The following SCHIP1 variants were observed in gnomAD, a reference collection of about 807,000 sequenced individuals.
SCHIP1 encodes the protein schwannomin-interacting protein 1.
SCHIP1 carries 8 observed loss-of-function variants against 29.7 expected under a neutral mutation model. The ratio of observed to expected loss-of-function variants is 0.27; its 90% CI spans 0.16 to 0.49. The LOEUF (loss-of-function observed/expected upper bound fraction) is 0.49. Among genes scored for constraint, SCHIP1 ranks in the 20% least tolerant of loss-of-function variants. The pLI, the probability that SCHIP1 is intolerant of heterozygous loss-of-function variation, is 0.99. For synonymous variants in SCHIP1, 76 were observed against 94.9 expected (o/e 0.80, Z 1.16); for missense variants, 193 against 294.6 (o/e 0.66, Z 2.52).
At chr3:159,764,685 A>AGAG in the SCHIP1 span, 4 of 1,584,668 alleles carry the variant, frequency 2.5e-6, no homozygotes, top group East Asian at 2.3e-5. This position sits in a 1 kb window ranked among gnomAD's most constrained non-coding sequence, Gnocchi z 6.1. Context: ...AGGAGGAGGA[A>AGAG]GAGGAGGACG....
At chr3:159,818,021 GC>G in the SCHIP1 span, among the ~76,000 whole-genome samples, 7 of 152,150 alleles carry the variant, frequency 4.6e-5, no homozygotes, top group African/African-American at 1.7e-4. Context: ...GTAGACTGAA[GC>G]CTAGAGGTAG....
chr3:159,413,676 G>A, the SCHIP1 span, among the ~76,000 whole-genome samples: 2 of 151,998 alleles, frequency 1.3e-5, no homozygotes, highest in Non-Finnish European at 2.9e-5. Flanking sequence ...CCCCTCTTTA[G>A]CCCTCAGTTC....
chr3:159,392,025 T>A, the SCHIP1 span, among the ~76,000 whole-genome samples: 1 of 152,196 alleles, frequency 6.6e-6, no homozygotes, highest in South Asian at 2.1e-4. Context: ...TCTTTTGGCT[T>A]TTTTTCCTTC....
At chr3:159,529,636 G>A in the SCHIP1 span, among the ~76,000 whole-genome samples, 1,495 of 152,148 alleles carry the variant, frequency 9.8e-3, 29 homozygotes, top group African/African-American at 0.034. Flanking sequence ...TTCTCTTCTA[G>A]CTATTTTGAA....
chr3:159,499,348 C>T, the SCHIP1 span, among the ~76,000 whole-genome samples: 1 of 152,216 alleles, frequency 6.6e-6, no homozygotes, highest in South Asian at 2.1e-4. Flanking sequence ...GCCATTTCTA[C>T]TGCCTTTAAT....
chr3:159,618,669 T>G, the SCHIP1 span, among the ~76,000 whole-genome samples: 1 of 152,248 alleles, frequency 6.6e-6, no homozygotes, highest in Admixed American at 6.5e-5. Flanking sequence ...ACTTAGACTG[T>G]CAGTGCACAG....
At chr3:159,361,961 T>C in the SCHIP1 span, among the ~76,000 whole-genome samples, 1 of 152,226 alleles carries the variant, frequency 6.6e-6, no homozygotes, top group African/African-American at 2.4e-5. Context: ...ATGTGACATT[T>C]GGGTTATATC....
chr3:159,765,010 A>G, the SCHIP1 span: 1 of 1,533,540 alleles, frequency 6.5e-7, no homozygotes, highest in African/African-American at 1.4e-5. Context: ...AGACGGCGGG[A>G]CGTGCGTCCC....
chr3:159,572,856 A>G, the SCHIP1 span, among the ~76,000 whole-genome samples: 1 of 150,918 alleles, frequency 6.6e-6, no homozygotes, highest in African/African-American at 2.4e-5. Flanking sequence ...TCCCTTTACC[A>G]TTATGTAATG....
the SCHIP1 span, among the ~76,000 whole-genome samples, chr3:159,626,171 TCTATCTATCTAGATAG>T: frequency 1.5e-4 from 8 of 52,164 alleles, no homozygotes; most frequent in African/African-American, 9.8e-4. Flanking sequence ...TCTAGATATA[TCTATCTATCTAGATAG>T]ATAGATAGAT....
chr3:159,551,531 C>G, the SCHIP1 span, among the ~76,000 whole-genome samples: 1 of 151,980 alleles, frequency 6.6e-6, no homozygotes, highest in Non-Finnish European at 1.5e-5. Context: ...GAATCAATAT[C>G]TATAAAATTG....
the SCHIP1 span, among the ~76,000 whole-genome samples, chr3:159,800,641 C>T: frequency 1.3e-5 from 2 of 152,098 alleles, no homozygotes; most frequent in African/African-American, 4.8e-5. Flanking sequence ...CGTGAAGGTC[C>T]TAGTGACATA....
At chr3:159,432,190 T>C in the SCHIP1 span, among the ~76,000 whole-genome samples, 39 of 152,066 alleles carry the variant, frequency 2.6e-4, no homozygotes, top group African/African-American at 9.2e-4. Context: ...TACTGCTGGT[T>C]GTTGGCGGGA....
Position 159,887,699 on chromosome 3 carries a change from C to T in SCHIP1, c.268-9C>T. ...TGGAAGGCTCAGGCTGCTCTTTTTC[C>T]CTTTGCAGAGCAAACAGAGTTCTTC... On this transcript the variant is annotated splice_polypyrimidine_tract_variant and intron_variant, in intron 3 of 6. Transcript: ENST00000445224. 1.2e-6 allele frequency: 2 copies of T among 1,613,804 alleles called. No individual in the cohort carries two copies. The highest frequency in any genetic ancestry group is 8.5e-7 in the Non-Finnish European group (1 of 1,179,782).
chr3:159,278,251 C>T, the SCHIP1 span, among the ~76,000 whole-genome samples: 1 of 152,094 alleles, frequency 6.6e-6, no homozygotes, highest in East Asian at 1.9e-4. Context: ...TGAGAAACCA[C>T]CCACTTGAAA....
chr3:159,604,660 A>G, the SCHIP1 span, among the ~76,000 whole-genome samples: 1 of 152,154 alleles, frequency 6.6e-6, no homozygotes. Context: ...CAGGCAAATA[A>G]ATCAGATCTA....
the SCHIP1 span, among the ~76,000 whole-genome samples, chr3:159,420,282 G>C: frequency 6.6e-6 from 1 of 152,180 alleles, no homozygotes; most frequent in Non-Finnish European, 1.5e-5. Context: ...AAAACATCAG[G>C]AGGCTTTGAA....
At chr3:159,388,985 C>T in the SCHIP1 span, among the ~76,000 whole-genome samples, 1 of 151,904 alleles carries the variant, frequency 6.6e-6, no homozygotes, top group South Asian at 2.1e-4. Context: ...TAGGAAATGT[C>T]TTTCGTAAGA....
At chr3:159,859,719 C>T (rs1432494056) in intron 1 of SCHIP1, among the ~76,000 whole-genome samples, 1 of 152,236 alleles carries the variant, frequency 6.6e-6, no homozygotes, top group African/African-American at 2.4e-5. Context: ...CAGATGTGTG[C>T]TCAATTACAG....
Sources: gnomAD v4.1 joint callset for allele counts (sites outside exome capture counted in the v4.1 genomes callset) on GRCh38, gnomAD v4.1.1 for gene constraint, Gnocchi (gnomAD v3.1) non-coding constraint, MANE v1.5 for transcripts, NCBI Gene and HGNC (gene_info 2026-07-23, HGNC 2026-07-21) for gene names.